ATXN10: variants seen among roughly 807,000 people sequenced by gnomAD.
ATXN10 encodes ataxin 10, also known as ataxin-10.
Under a neutral mutation model 52.9 loss-of-function variants are expected in ATXN10, and 28 were observed. The ratio of observed to expected loss-of-function variants is 0.53; its 90% confidence interval spans 0.39 to 0.73. The LOEUF is 0.73. ATXN10 is among the 30% of genes least tolerant of loss of function. ATXN10 has a pLI of 0.00. For missense variants in ATXN10, 565 were observed against 577.0 expected (o/e 0.98, Z 0.21); for synonymous variants, 226 against 221.5 (o/e 1.02, Z -0.18).
chr22:45,722,425 A>G (rs1408328702), intron 6 of ATXN10, among the ~76,000 whole-genome samples: 1 of 152,202 alleles, frequency 6.6e-6, no homozygotes, highest in Non-Finnish European at 1.5e-5. Context: ...CATTTAATGA[A>G]GGATAGTCTA....
rs138205 is a variant in ATXN10, at chr22:45,766,481, A to T, written c.1173+25943A>T. On this transcript the variant is annotated intron_variant, in intron 9 of 11. Transcript: ENST00000252934. The surrounding 1 kb of genome is among the most constrained non-coding windows in gnomAD (Gnocchi z 4.6). ...ATGAAATCAGTCCCTGGTGCCAAAA[A>T]GGTTGGGAACTCCTCCTTTAGATAA... Among the ~76,000 whole-genome samples the T allele has an allele frequency of 1.2e-4, 19 of 152,192 alleles. No individual in the cohort carries two copies. Among genetic ancestry groups the T allele is most frequent in the African/African-American group, 1.9e-4 (8 of 41,440 alleles).
intron 9 of ATXN10, among the ~76,000 whole-genome samples, chr22:45,765,969 A>G (rs146366327): frequency 6.6e-6 from 1 of 152,334 alleles, no homozygotes; most frequent in East Asian, 1.9e-4. Flanking sequence ...CCAGATACTA[A>G]AAATGTTATA....
chr22:45,729,357 C>T (rs1347149984), intron 6 of ATXN10, 68 bp from the exon 7 acceptor site: 1 of 1,524,408 alleles, frequency 6.6e-7, no homozygotes, highest in South Asian at 1.1e-5. Flanking sequence ...AGTTGCTTTC[C>T]TAGGTATTTT....
At chr22:45,804,002 G>A (rs1230271095) in intron 9 of ATXN10, among the ~76,000 whole-genome samples, 1 of 152,062 alleles carries the variant, frequency 6.6e-6, no homozygotes, top group Non-Finnish European at 1.5e-5. Flanking sequence ...AAACCATCCT[G>A]GACCTACATT....
At chr22:45,729,117 G>A (rs1661466899) in intron 6 of ATXN10, among the ~76,000 whole-genome samples, 3 of 152,180 alleles carry the variant, frequency 2.0e-5, no homozygotes, top group Non-Finnish European at 2.9e-5. Context: ...TAGTGTCGTC[G>A]ATGTGTTCAT....
At chr22:45,694,196 A>G (rs143954179) in intron 3 of ATXN10, among the ~76,000 whole-genome samples, 1 of 152,160 alleles carries the variant, frequency 6.6e-6, no homozygotes, top group Non-Finnish European at 1.5e-5. Context: ...CATTAGTAGA[A>G]TGGTTTTGGT....
chr22:45,816,596 G>C lies in ATXN10; in HGVS notation c.1237+9574G>C, dbSNP rs1453530789. On this transcript the variant is annotated intron_variant, in intron 10 of 11. Transcript: ENST00000252934. The surrounding 1 kb of genome is among the most constrained non-coding windows in gnomAD (Gnocchi z 5.8). ...ATGTCATCTTGTTCCTGTACCCTGA[G>C]TGCATTCCCAACATTGGACCCTGTG... Among the ~76,000 whole-genome samples, 1 of 152,242 alleles carries C rather than the reference G, an allele frequency of 6.6e-6. No homozygotes were observed. The highest frequency in any genetic ancestry group is 1.5e-5 in the Non-Finnish European group (1 of 68,044).
Position 45,824,795 on chromosome 22 carries a change from T to C in ATXN10, c.1237+17773T>C, listed in dbSNP as rs1319717136. On this transcript the variant is annotated intron_variant, in intron 10 of 11. Transcript: ENST00000252934. The surrounding 1 kb of genome is among the most constrained non-coding windows in gnomAD (Gnocchi z 5.2). Reference sequence around the variant, plus strand: ...ACCCAGAATCTATAACCTGTCTTTGTTGACCTCAAGATAAAGACCTTGTAA... The same window carrying C: ...ACCCAGAATCTATAACCTGTCTTTGCTGACCTCAAGATAAAGACCTTGTAA... Among the ~76,000 whole-genome samples, 1 of 152,256 alleles carries C rather than the reference T, an allele frequency of 6.6e-6. No individual in the cohort carries two copies. Among genetic ancestry groups the C allele is most frequent in the Non-Finnish European group, 1.5e-5 (1 of 68,042 alleles).
rs1226685888 is a variant in ATXN10 at position 45,844,772 on chromosome 22, T to C, written c.*1101T>C. ...TAATATATCCAGAGATTTTGCACAA[T>C]TCGTGTTGAACCTTCCAAAACAAAA... is the stretch of plus-strand genomic sequence containing the variant. On this transcript the variant is annotated 3_prime_UTR_variant, in exon 12 of 12. Transcript: ENST00000252934. 6.6e-6 allele frequency: 1 copy of C among 152,220 alleles called. No individual in the cohort carries two copies. The highest frequency in any genetic ancestry group is 1.5e-5 in the Non-Finnish European group (1 of 68,038). The allele number at this position is 152,220 out of a possible 1,614,324, so 9.4% of individuals were successfully genotyped here. A position where few individuals can be genotyped will look rare whatever the true frequency, so the allele number is the denominator to read the frequency against.
At position 45,844,377 on chromosome 22, in the gene ATXN10, C is replaced by T. The variant is rs1294119550; in HGVS notation, c.*706C>T. On this transcript the variant is annotated 3_prime_UTR_variant, in exon 12 of 12. Transcript: ENST00000252934. ...AGGTGAATGCCTGTGTCCTCCCCAG[C>T]TTCATGCCTCTGTCATGGGGGAAGG... 2.0e-5 allele frequency: 3 copies of T among 152,570 alleles called. No individual in the cohort carries two copies. The highest frequency in any genetic ancestry group is 2.9e-5 in the Non-Finnish European group (2 of 68,386). The allele number at this position is 152,570 out of a possible 1,614,324, so 9.5% of individuals were successfully genotyped here. A position where few individuals can be genotyped will look rare whatever the true frequency, so the allele number is the denominator to read the frequency against.
At chr22:45,764,211 G>C (rs1469801134) in intron 9 of ATXN10, among the ~76,000 whole-genome samples, 1 of 152,032 alleles carries the variant, frequency 6.6e-6, no homozygotes, top group Non-Finnish European at 1.5e-5. Context: ...CCTCTCTGCA[G>C]GGTTAGATCC....
At chr22:45,779,702 C>G (rs1290416717) in intron 9 of ATXN10, among the ~76,000 whole-genome samples, 1 of 152,122 alleles carries the variant, frequency 6.6e-6, no homozygotes, top group Non-Finnish European at 1.5e-5. Context: ...GTGAAAGGAC[C>G]AATTCTATAT....
rs372901840 is a variant in ATXN10 at position 45,718,554 on chromosome 22, C to T, written c.728+61C>T. ...CATTCCATATAGGGTATTCGATGCA[C>T]GTGACTGAAAAGCTGTGTGGTTTCT... On this transcript the variant is annotated intron_variant, in intron 6 of 11. Coordinates refer to ENST00000252934, the MANE Select transcript of ATXN10 (RefSeq NM_013236.4). The surrounding 1 kb of genome is among the most constrained non-coding windows in gnomAD (Gnocchi z 4.4). The T allele has an allele frequency of 4.8e-4, 668 of 1,384,850 alleles. 3 individuals are homozygous for T. The highest frequency in any genetic ancestry group is 3.7e-4 in the Non-Finnish European group (355 of 971,530). 85.8% of individuals were successfully genotyped at this position (1,384,850 alleles called of 1,614,324 possible).
At chr22:45,839,712 CTT>C (rs1929282061) in intron 10 of ATXN10, among the ~76,000 whole-genome samples, 1 of 152,232 alleles carries the variant, frequency 6.6e-6, no homozygotes, top group African/African-American at 2.4e-5. Context: ...AAAATCCACT[CTT>C]TGATCCCATC....
intron 10 of ATXN10, among the ~76,000 whole-genome samples, chr22:45,831,333 T>C (rs1928985180): frequency 6.6e-6 from 1 of 151,998 alleles, no homozygotes; most frequent in Non-Finnish European, 1.5e-5. Context: ...TTAGTATAGT[T>C]AGGATGCGAA....
chr22:45,816,159 A>T lies in ATXN10; in HGVS notation c.1237+9137A>T, dbSNP rs1248491665. ...TCCCAGCTACTCGGGAGGCTGAGGC[A>T]GGAGAATCGCTTGAACCTGCAAGGC... is the stretch of plus-strand genomic sequence containing the variant. On this transcript the variant is annotated intron_variant, in intron 10 of 11. Coordinates refer to ENST00000252934, the MANE Select transcript of ATXN10 (RefSeq NM_013236.4). The surrounding 1 kb of genome is among the most constrained non-coding windows in gnomAD (Gnocchi z 5.8). 6.6e-6 allele frequency among the ~76,000 whole-genome samples: 1 copy of T among 152,194 alleles called. No individual in the cohort carries two copies. Among genetic ancestry groups the T allele is most frequent in the Non-Finnish European group, 1.5e-5 (1 of 68,032 alleles).
chr22:45,796,189 A>G (rs1031969088), intron 9 of ATXN10, among the ~76,000 whole-genome samples: 2 of 152,182 alleles, frequency 1.3e-5, no homozygotes, highest in Non-Finnish European at 2.9e-5. Context: ...ATGCAGTTGT[A>G]GATAAGGGAT....
At chr22:45,806,836 C>T in intron 9 of ATXN10, 123 bp from the exon 10 acceptor site, 1 of 759,438 alleles carries the variant, frequency 1.3e-6, no homozygotes, top group South Asian at 1.5e-5. Context: ...ATAGATATTT[C>T]AGATAATAGT....
Position 45,784,540 on chromosome 22 carries a change from C to T in ATXN10, c.1174-22419C>T, listed in dbSNP as rs539381123. Among the ~76,000 whole-genome samples, 2 of 152,278 alleles carry T rather than the reference C, an allele frequency of 1.3e-5. No homozygotes were observed. The highest frequency in any genetic ancestry group is 4.1e-4 in the South Asian group (2 of 4,828). On this transcript the variant is annotated intron_variant, in intron 9 of 11. Coordinates refer to ENST00000252934, the MANE Select transcript of ATXN10 (RefSeq NM_013236.4). This position sits in a 1 kb window ranked among gnomAD's most constrained non-coding sequence, Gnocchi z 4.2. The stretch of plus-strand genomic sequence containing the variant: ...AGGTAACAGTGGGGCTTCCACATGT[C>T]TTGCCTTGGAGGTCTGTGCTAGGCT...
Sources: gnomAD v4.1 joint callset for allele counts (sites outside exome capture counted in the v4.1 genomes callset) on GRCh38, gnomAD v4.1.1 for gene constraint, Gnocchi (gnomAD v3.1) non-coding constraint, MANE v1.5 for transcripts, NCBI Gene and HGNC (gene_info 2026-07-23, HGNC 2026-07-21) for gene names.